PARD3B: variants seen among roughly 807,000 people sequenced by gnomAD.
PARD3B encodes the protein partitioning defective 3 homolog B.
Under a neutral mutation model 130.2 loss-of-function variants are expected in PARD3B, and 103 were observed. The observed-to-expected ratio is 0.79, with a 90% CI of 0.67 to 0.93. PARD3B has a LOEUF of 0.93. Ranked by LOEUF, PARD3B falls within the 40% of genes least tolerant of loss-of-function variation. PARD3B has a pLI of 0.00. For synonymous variants in PARD3B, 583 were observed against 553.2 expected (o/e 1.05, Z -0.76); for missense variants, 1,609 against 1,499.2 (o/e 1.07, Z -1.21).
intron 16 of PARD3B, among the ~76,000 whole-genome samples, chr2:205,284,002 A>G (rs891576486): frequency 6.6e-6 from 1 of 152,360 alleles, no homozygotes; most frequent in East Asian, 1.9e-4. Context: ...GTTGGCTGTC[A>G]TGGTGTGAAT....
At chr2:205,076,909 G>A (rs1455449436) in intron 4 of PARD3B, among the ~76,000 whole-genome samples, 1 of 152,092 alleles carries the variant, frequency 6.6e-6, no homozygotes, top group Non-Finnish European at 1.5e-5. Flanking sequence ...TCACAATATA[G>A]CAAATTAAAT....
chr2:205,224,152 G>T (rs1009252545), intron 15 of PARD3B, among the ~76,000 whole-genome samples: 2 of 150,674 alleles, frequency 1.3e-5, no homozygotes, highest in Non-Finnish European at 1.5e-5. Context: ...GGCGGATCAT[G>T]AGGTCAGGAG....
At chr2:204,620,443 G>A (rs973203553) in intron 1 of PARD3B, among the ~76,000 whole-genome samples, 2 of 152,186 alleles carry the variant, frequency 1.3e-5, no homozygotes, top group African/African-American at 4.8e-5. Flanking sequence ...CTTCATCTCT[G>A]TTATGATTCA....
At chr2:205,474,237 C>A (rs2048949137) in intron 20 of PARD3B, among the ~76,000 whole-genome samples, 1 of 151,834 alleles carries the variant, frequency 6.6e-6, no homozygotes, top group Admixed American at 6.6e-5. Flanking sequence ...AATTTAATAG[C>A]AAAAAGCTAA....
chr2:204,928,191 T>C (rs995316586), intron 2 of PARD3B, among the ~76,000 whole-genome samples: 10 of 152,074 alleles, frequency 6.6e-5, no homozygotes, highest in Admixed American at 5.2e-4. Context: ...GCTGGGACAA[T>C]TGGACTCTCC....
chr2:205,109,773 C>A (rs965777613), intron 5 of PARD3B, among the ~76,000 whole-genome samples: 1 of 151,488 alleles, frequency 6.6e-6, no homozygotes, highest in Admixed American at 6.6e-5. Context: ...TATGCCTCAG[C>A]CTCCCGAGTA....
At chr2:205,475,025 C>T (rs1043679656) in intron 20 of PARD3B, among the ~76,000 whole-genome samples, 3 of 152,112 alleles carry the variant, frequency 2.0e-5, no homozygotes, top group African/African-American at 7.2e-5. Context: ...CTCAACAAAT[C>T]TATGTATATT....
intron 22 of PARD3B, among the ~76,000 whole-genome samples, chr2:205,571,053 T>G (rs762108863): frequency 6.6e-6 from 1 of 152,224 alleles, no homozygotes; most frequent in East Asian, 1.9e-4. Flanking sequence ...CGTCTGCCAC[T>G]AGCAACAGTT....
chr2:205,189,058 G>T (rs1329877551), intron 14 of PARD3B, among the ~76,000 whole-genome samples: 1 of 152,174 alleles, frequency 6.6e-6, no homozygotes, highest in Non-Finnish European at 1.5e-5. Flanking sequence ...AGGCAGAGTT[G>T]AAGCTAAATC....
intron 1 of PARD3B, among the ~76,000 whole-genome samples, chr2:204,563,922 C>T (rs960067274): frequency 6.6e-6 from 1 of 152,056 alleles, no homozygotes; most frequent in African/African-American, 2.4e-5. Context: ...TACAGGCACC[C>T]GCCACCATGC....
chr2:205,044,376 G>A (rs1321155418), intron 3 of PARD3B, among the ~76,000 whole-genome samples: 27 of 147,046 alleles, frequency 1.8e-4, no homozygotes, highest in Non-Finnish European at 2.4e-4. Context: ...CTGAGGAATC[G>A]CCACACTGAC....
chr2:205,302,758 C>T (rs996307108), intron 18 of PARD3B, among the ~76,000 whole-genome samples: 20 of 152,260 alleles, frequency 1.3e-4, no homozygotes, highest in African/African-American at 4.6e-4. Flanking sequence ...GGAGATGTCA[C>T]TGGGTCTGGG....
At chr2:205,346,012 AT>A (rs2043744023) in intron 18 of PARD3B, among the ~76,000 whole-genome samples, 1 of 119,878 alleles carries the variant, frequency 8.3e-6, no homozygotes, top group Non-Finnish European at 1.9e-5. Flanking sequence ...CTCTACTAAA[AT>A]ACAAAAAATT....
intron 2 of PARD3B, among the ~76,000 whole-genome samples, chr2:204,743,436 A>T (rs908218316): frequency 6.6e-6 from 1 of 152,168 alleles, no homozygotes; most frequent in Non-Finnish European, 1.5e-5. Flanking sequence ...ACTAGTATAG[A>T]GGACATGTAC....
In PARD3B at chr2:205,309,808, A is replaced by G. The variant is rs1034624519; in HGVS notation, c.2630+8107A>G. Among the ~76,000 whole-genome samples the G allele has an allele frequency of 2.0e-5, 3 of 152,292 alleles. No individual in the cohort carries two copies. Among genetic ancestry groups the G allele is most frequent in the Non-Finnish European group, 4.4e-5 (3 of 68,034 alleles). ...CTAAGTATAATAACACATCCTGTCC[A>G]GGTTGTTGTAAAATTTAAGTTAAAC... is the stretch of plus-strand genomic sequence containing the variant. On this transcript the variant is annotated intron_variant, in intron 18 of 22. Transcript: ENST00000406610. The surrounding 1 kb of genome is among the most constrained non-coding windows in gnomAD (Gnocchi z 4.7).
rs1041889223 is a variant in PARD3B, at chr2:205,346,121, G to A, written c.2630+44420G>A. On this transcript the variant is annotated intron_variant, in intron 18 of 22. Transcript: ENST00000406610. ...CGGGAGGCGAAGGTTGCAGTGAGCC[G>A]AGATCCCGCCACTGCACTCCAGCCT... Among the ~76,000 whole-genome samples the A allele has an allele frequency of 1.4e-3, 212 of 147,278 alleles. 3 individuals carry two copies. Among genetic ancestry groups the A allele is most frequent in the African/African-American group, 4.6e-3 (188 of 41,020 alleles).
intron 21 of PARD3B, among the ~76,000 whole-genome samples, chr2:205,549,838 T>G (rs958912899): frequency 6.6e-6 from 1 of 152,212 alleles, no homozygotes; most frequent in Non-Finnish European, 1.5e-5. Context: ...TGTAGCACAC[T>G]GGTGGGCATG....
intron 20 of PARD3B, among the ~76,000 whole-genome samples, chr2:205,462,015 C>T (rs948020739): frequency 1.3e-5 from 2 of 152,210 alleles, no homozygotes; most frequent in African/African-American, 4.8e-5. Flanking sequence ...TTACCTTATA[C>T]ATCTGTGTTC....
intron 3 of PARD3B, among the ~76,000 whole-genome samples, chr2:205,037,085 AATATACATATAT>A (rs1698002052): frequency 7.6e-6 from 1 of 131,216 alleles, no homozygotes; most frequent in Non-Finnish European, 1.7e-5. Context: ...ATATAAAACA[AATATACATATAT>A]AGCGGACTGT....
Sources: gnomAD v4.1 joint callset for allele counts (sites outside exome capture counted in the v4.1 genomes callset) on GRCh38, gnomAD v4.1.1 for gene constraint, Gnocchi (gnomAD v3.1) non-coding constraint, MANE v1.5 for transcripts, NCBI Gene and HGNC (gene_info 2026-07-23, HGNC 2026-07-21) for gene names.